Variants in DROSHA observed in about 807,000 individuals in gnomAD.
DROSHA encodes the protein ribonuclease 3.
In DROSHA, 56 loss-of-function variants were observed where a neutral mutation model predicts 181.9. The ratio of observed to expected loss-of-function variants is 0.31; its 90% CI spans 0.25 to 0.38. The LOEUF (loss-of-function observed/expected upper bound fraction) is 0.38, where lower values mean the gene tolerates loss of function less well. DROSHA is among the 10% of genes least tolerant of loss of function. The pLI, the probability that DROSHA is intolerant of heterozygous loss-of-function variation, is 1.00. For synonymous variants in DROSHA, 524 were observed against 591.2 expected (o/e 0.89, Z 1.65); for missense variants, 1,218 against 1,743.5 (o/e 0.70, Z 5.37).
chr5:31,460,116 A>T (rs1328162147), intron 20 of DROSHA, among the ~76,000 whole-genome samples: 1 of 152,200 alleles, frequency 6.6e-6, no homozygotes, highest in African/African-American at 2.4e-5. Context: ...TTCTTAAAAA[A>T]TACAGGTCTT....
chr5:31,516,022 G>A (rs572298236), intron 6 of DROSHA, among the ~76,000 whole-genome samples: 21 of 152,304 alleles, frequency 1.4e-4, no homozygotes, highest in East Asian at 1.2e-3. Flanking sequence ...TTGGAAGGCC[G>A]AGGCGGGAGG....
At chr5:31,440,344 A>G (rs1561163809) in intron 23 of DROSHA, among the ~76,000 whole-genome samples, 1 of 152,246 alleles carries the variant, frequency 6.6e-6, no homozygotes, top group Non-Finnish European at 1.5e-5. Context: ...TTTAATTTCC[A>G]TATTTAAAGT....
intron 13 of DROSHA, 180 bp from the exon 14 acceptor site, chr5:31,486,742 C>T: frequency 3.7e-6 from 2 of 536,886 alleles, no homozygotes; most frequent in East Asian, 3.1e-5. Flanking sequence ...ATGACAAGAA[C>T]CCAGCTGGCC....
At chr5:31,469,302 A>G (rs1256751706) in intron 17 of DROSHA, among the ~76,000 whole-genome samples, 1 of 152,098 alleles carries the variant, frequency 6.6e-6, no homozygotes, top group Non-Finnish European at 1.5e-5. Context: ...GGTTGTAGTG[A>G]GCTGAGATCG....
rs10069137 is a variant in DROSHA, at chr5:31,514,484, A to C, written c.1290+504T>G. Among the ~76,000 whole-genome samples, 1 of 151,928 alleles carries C rather than the reference A, an allele frequency of 6.6e-6. No individual in the cohort carries two copies. The highest frequency in any genetic ancestry group is 1.5e-5 in the Non-Finnish European group (1 of 67,992). On this transcript the variant is annotated intron_variant, in intron 8 of 35. Coordinates refer to ENST00000344624, the MANE Select transcript of DROSHA (RefSeq NM_001382508.1). This position sits in a 1 kb window ranked among gnomAD's most constrained non-coding sequence, Gnocchi z 4.4. Reference sequence around the variant, plus strand: ...AGTATGACCTCATCTCTACTAAAAAATAAAAAAAAATTAGCCAGTCATGGT... The same window carrying C: ...AGTATGACCTCATCTCTACTAAAAACTAAAAAAAAATTAGCCAGTCATGGT...
At chr5:31,530,281 T>C (rs932805315) in intron 3 of DROSHA, among the ~76,000 whole-genome samples, 8 of 152,082 alleles carry the variant, frequency 5.3e-5, no homozygotes, top group Admixed American at 2.0e-4. Flanking sequence ...TCACTGCGCC[T>C]GACTCCTTAT....
intron 25 of DROSHA, 32 bp downstream of exon 25, chr5:31,435,733 G>A (rs760907780): frequency 6.9e-6 from 11 of 1,594,344 alleles, no homozygotes; most frequent in African/African-American, 4.0e-5. Flanking sequence ...CATGTCAGAC[G>A]TAACTACAAA....
At chr5:31,402,334 A>G (rs374710857) in intron 35 of DROSHA, among the ~76,000 whole-genome samples, 15 of 152,218 alleles carry the variant, frequency 9.9e-5, no homozygotes, top group African/African-American at 3.6e-4. Flanking sequence ...CCATGGTTTC[A>G]TTTACACATG....
At chr5:31,488,413 C>CAAA (rs746732224) in intron 13 of DROSHA, among the ~76,000 whole-genome samples, 24 of 63,916 alleles carry the variant, frequency 3.8e-4, no homozygotes, top group East Asian at 8.5e-4. Flanking sequence ...ACTCTATCAC[C>CAAA]AAAAAAAAAA....
At chr5:31,431,383 A>AC (rs905988378) in intron 26 of DROSHA, among the ~76,000 whole-genome samples, 193 bp downstream of exon 26, 1 of 150,858 alleles carries the variant, frequency 6.6e-6, no homozygotes, top group Non-Finnish European at 1.5e-5. Context: ...AAAAAAAAAA[A>AC]AAAAAAGAGG....
intron 16 of DROSHA, among the ~76,000 whole-genome samples, chr5:31,481,714 T>C (rs1489240481): frequency 6.6e-6 from 1 of 152,212 alleles, no homozygotes; most frequent in Non-Finnish European, 1.5e-5. Flanking sequence ...CCATTTTGAC[T>C]GCCTGGACTG....
In DROSHA at chr5:31,515,415, A is replaced by G. The variant is rs890932971; in HGVS notation, c.1058+39T>C. 22 of 1,132,802 alleles carry G rather than the reference A, an allele frequency of 1.9e-5. No individual in the cohort carries two copies. In the Admixed American group the frequency reaches 4.0e-4, roughly 20 times the overall value. 70.2% of individuals were successfully genotyped at this position (1,132,802 alleles called of 1,614,324 possible). ...GAATCACCTGAAGTTTACTTGTTTA[A>G]AAATACAAATTCCCAGGCCCCACCC... On this transcript the variant is annotated intron_variant, in intron 7 of 35. Coordinates refer to ENST00000344624, the MANE Select transcript of DROSHA (RefSeq NM_001382508.1).
chr5:31,425,426 T>C (rs1472300284), intron 27 of DROSHA, among the ~76,000 whole-genome samples: 2 of 152,220 alleles, frequency 1.3e-5, no homozygotes, highest in Admixed American at 6.5e-5. Flanking sequence ...AAATCTTTCC[T>C]TTGAAATCTC....
intron 10 of DROSHA, among the ~76,000 whole-genome samples, chr5:31,508,231 C>A (rs549040485): frequency 2.0e-3 from 308 of 152,122 alleles, no homozygotes; most frequent in Middle Eastern, 3.4e-3. Flanking sequence ...GTGACTGTTA[C>A]CAACTAAAAA....
chr5:31,401,470 C>T lies in DROSHA; in HGVS notation c.4087G>A (p.Glu1363Lys). The part of the protein sequence containing the change: ...KEMRWEREHQ[E>K]REPDETEDIK... Reference sequence around the variant, plus strand: ...TCTTCAGTCTCATCTGGCTCTCTCTCTTGATGCTCTCTTTCCCACCTCATT... The same window carrying T: ...TCTTCAGTCTCATCTGGCTCTCTCTTTTGATGCTCTCTTTCCCACCTCATT... The change falls in exon 36 of 36, where the codon GAG becomes AAG. Residue 1363 changes from glutamate to lysine, a missense_variant. Physicochemically the swap from Glu to Lys is moderately conservative, Grantham distance 56. Coordinates refer to ENST00000344624, the MANE Select transcript of DROSHA (RefSeq NM_001382508.1). The T allele has an allele frequency of 6.2e-7, 1 of 1,613,312 alleles. No homozygotes were observed. The highest frequency in any genetic ancestry group is 8.5e-7 in the Non-Finnish European group (1 of 1,179,494).
At position 31,427,708 on chromosome 5, in the gene DROSHA, CA is replaced by C. The variant is rs530935163; in HGVS notation, c.3216+1766del. Among the ~76,000 whole-genome samples, 407 of 152,310 alleles carry C rather than the reference CA, an allele frequency of 2.7e-3. 1 individual carries two copies. The highest frequency in any genetic ancestry group is 4.2e-3 in the Non-Finnish European group (285 of 68,034). On this transcript the variant is annotated intron_variant, in intron 27 of 35. Transcript: ENST00000344624. ...CACAAAGGATGTCTCTCTCCACCCC[CA>C]CAACACAGCCAATCAACCTGACTTT...
intron 33 of DROSHA, 51 bp from the exon 34 acceptor site, chr5:31,406,996 G>A: frequency 7.3e-6 from 11 of 1,501,582 alleles, no homozygotes; most frequent in South Asian, 1.2e-5. Context: ...TATTTGTCAT[G>A]GTTACTATGT....
chr5:31,472,310 A>G lies in DROSHA; in HGVS notation c.2072-78T>C, dbSNP rs1467475020. ...ACAGCAAATCAACAACTGAATAAGG[A>G]AAAAAACAAGACAATGGAGGAAAAA... On this transcript the variant is annotated intron_variant, in intron 16 of 35. Coordinates refer to ENST00000344624, the MANE Select transcript of DROSHA (RefSeq NM_001382508.1). The G allele has an allele frequency of 5.5e-6, 8 of 1,454,880 alleles. No homozygotes were observed. In the Admixed American group the frequency reaches 1.5e-4, roughly 27 times the overall value. The allele number at this position is 1,454,880 out of a possible 1,614,324, so 90.1% of individuals were successfully genotyped here. A position where few individuals can be genotyped will look rare whatever the true frequency, so the allele number is the denominator to read the frequency against.
chr5:31,529,772 G>A (rs1486702713), intron 3 of DROSHA, among the ~76,000 whole-genome samples: 1 of 150,686 alleles, frequency 6.6e-6, no homozygotes, highest in East Asian at 1.9e-4. Flanking sequence ...AACCATGTAG[G>A]CATAGACCAA....
Sources: allele counts gnomAD v4.1 joint callset (sites outside exome capture counted in the v4.1 genomes callset), GRCh38; gene constraint gnomAD v4.1.1; non-coding constraint Gnocchi (gnomAD v3.1); transcripts MANE v1.5; gene names NCBI Gene and HGNC (gene_info 2026-07-23, HGNC 2026-07-21).